Variants in ZNF100 observed in about 807,000 individuals in gnomAD.
ZNF100 encodes the protein zinc finger protein 100 (Y1).
A neutral mutation model predicts 15.8 loss-of-function variants in ZNF100; 12 were observed. The observed-to-expected ratio is 0.76, with a 90% confidence interval of 0.49 to 1.23. ZNF100 has a LOEUF of 1.23. Among genes scored for constraint, ZNF100 ranks in the 50% most tolerant of loss-of-function variants. The pLI is 0.00. For missense variants in ZNF100, 670 were observed against 635.6 expected (o/e 1.05, Z -0.58); for synonymous variants, 226 against 214.8 (o/e 1.05, Z -0.45).
rs2035727226 is a variant in ZNF100 at position 21,723,969 on chromosome 19, A to C, written c.*2714T>G. 1 of 152,224 alleles carries C rather than the reference A, an allele frequency of 6.6e-6. No homozygotes were observed. The highest frequency in any genetic ancestry group is 2.4e-5 in the African/African-American group (1 of 41,456). 9.4% of individuals were successfully genotyped at this position (152,224 alleles called of 1,614,324 possible). On this transcript the variant is annotated 3_prime_UTR_variant, in exon 5 of 5. Coordinates refer to ENST00000358296, the MANE Select transcript of ZNF100 (RefSeq NM_173531.4). ...CTTAATACACTAATTGTGGAATTAC[A>C]TTTAAAAATTTTGTATGCACTAAAT...
chr19:21,744,151 AT>A (rs1177708606), intron 3 of ZNF100, 36 bp from the exon 4 acceptor site: 1 of 1,561,746 alleles, frequency 6.4e-7, no homozygotes, highest in African/African-American at 1.4e-5. Flanking sequence ...TCTTTCTCAT[AT>A]TCTCCAATTA....
rs1055655076 is a variant in ZNF100 at position 21,732,656 on chromosome 19, AAC to A, written c.323-4669_323-4668del. On this transcript the variant is annotated intron_variant, in intron 4 of 4. Transcript: ENST00000358296. ...TATATATAATATATGTAAAATATAT[AAC>A]ACAAAATTAAAATATGGAATGTAAA... Among the ~76,000 whole-genome samples the A allele has an allele frequency of 2.1e-3, 311 of 150,082 alleles. 3 individuals carry two copies. Among genetic ancestry groups the A allele is most frequent in the African/African-American group, 7.0e-3 (289 of 41,188 alleles).
intron 1 of ZNF100, among the ~76,000 whole-genome samples, chr19:21,767,015 A>G (rs957623732): frequency 5.9e-5 from 9 of 151,942 alleles, no homozygotes; most frequent in African/African-American, 1.9e-4. Context: ...AATCGTTAAT[A>G]TTTGTGCAGT....
chr19:21,755,556 AT>A (rs1435340941), intron 2 of ZNF100, among the ~76,000 whole-genome samples: 1 of 152,226 alleles, frequency 6.6e-6, no homozygotes, highest in Non-Finnish European at 1.5e-5. Flanking sequence ...CAGAATTACC[AT>A]TTGATCCAGC....
At chr19:21,750,298 T>C (rs2036280410) in intron 2 of ZNF100, among the ~76,000 whole-genome samples, 1 of 152,172 alleles carries the variant, frequency 6.6e-6, no homozygotes. Flanking sequence ...CCACTTCTAA[T>C]ATTATTTCAA....
At chr19:21,728,043 C>G (rs2035846533) in intron 4 of ZNF100, 54 bp from the exon 5 acceptor site, 4 of 1,396,578 alleles carry the variant, frequency 2.9e-6, no homozygotes, top group Non-Finnish European at 3.7e-6. Context: ...AGATAGTTTA[C>G]AAATCTAACC....
At position 21,765,708 on chromosome 19, in the gene ZNF100, A is replaced by T; in HGVS notation, c.82T>A (p.Ser28Thr). Residue 28 changes from serine (S) to threonine (T), a missense_variant, in exon 2 of 5, where the codon TCT (serine) becomes ACT (threonine). Coordinates refer to ENST00000358296, the MANE Select transcript of ZNF100 (RefSeq NM_173531.4). ...PGAERSLLVQ[S>T]YFEKGPLTFR... is the part of the protein sequence containing the mutation. ...CAAGGGGTTACCTTTTCAAAATAAG[A>T]CTGCACCAGAAGACTCCTCTCAGCC... The T allele has an allele frequency of 6.2e-7, 1 of 1,614,120 alleles. No homozygotes were observed. Among genetic ancestry groups the T allele is most frequent in the African/African-American group, 1.3e-5 (1 of 75,052 alleles).
At chr19:21,762,728 A>G (rs977719982) in intron 2 of ZNF100, among the ~76,000 whole-genome samples, 2 of 152,150 alleles carry the variant, frequency 1.3e-5, no homozygotes, top group Non-Finnish European at 2.9e-5. Context: ...ATAGAGGGGG[A>G]AAATGTCAGA....
At chr19:21,765,931 A>C (rs1459901892) in intron 1 of ZNF100, 145 bp from the exon 2 acceptor site, 1 of 711,512 alleles carries the variant, frequency 1.4e-6, no homozygotes. Flanking sequence ...ACATCACCCC[A>C]TAGATTTTTC....
Position 21,744,022 on chromosome 19 carries a change from G to T in ZNF100, c.317C>A (p.Pro106His). 1 of 1,610,076 alleles carries T rather than the reference G, an allele frequency of 6.2e-7. No homozygotes were observed. The highest frequency in any genetic ancestry group is 8.5e-7 in the Non-Finnish European group (1 of 1,178,324). ...TTGTGTTCACTCTCACCTACCTGGG[G>T]GTTTGGCTACCATCTCATGTCTCTT... is the stretch of plus-strand genomic sequence containing the variant. ...NIKRHEMVAK[P>H]PVICSHFPQD... is the part of the protein sequence containing the mutation. The change falls in exon 4 of 5, where the codon CCC (proline) becomes CAC (histidine). Residue 106 changes from proline to histidine, a missense_variant. Coordinates refer to ENST00000358296, the MANE Select transcript of ZNF100 (RefSeq NM_173531.4).
chr19:21,727,790 G>T lies in ZNF100; in HGVS notation c.522C>A (p.Ser174Arg), dbSNP rs1168796900. Residue 174 changes from serine (S) to arginine (R), a missense_variant, in exon 5 of 5, where the codon AGC becomes AGA. Coordinates refer to ENST00000358296, the MANE Select transcript of ZNF100 (RefSeq NM_173531.4). The part of the protein sequence containing the change: ...KLNQCLITTQ[S>R]NIFQCDPSAK... ...CAGATGGATCACATTGAAATATGTT[G>T]CTCTGGGTAGTTATCAAACACTGGT... is the stretch of plus-strand genomic sequence containing the variant. 6.2e-6 allele frequency: 10 copies of T among 1,613,528 alleles called. No homozygotes were observed. Among genetic ancestry groups the T allele is most frequent in the Non-Finnish European group, 8.5e-6 (10 of 1,179,802 alleles).
intron 2 of ZNF100, chr19:21,751,898 C>T (rs891091053): frequency 1.1e-5 from 7 of 610,726 alleles, no homozygotes; most frequent in Non-Finnish European, 1.2e-5. Flanking sequence ...GTATTCAGCA[C>T]TCTAAAGCCA....
At chr19:21,757,610 G>GTATA in intron 2 of ZNF100, among the ~76,000 whole-genome samples, 1 of 152,266 alleles carries the variant, frequency 6.6e-6, no homozygotes, top group East Asian at 1.9e-4. Flanking sequence ...TCTTAACTGG[G>GTATA]TATATATTCA....
intron 2 of ZNF100, chr19:21,752,945 A>G (rs2036334273): frequency 6.6e-6 from 1 of 152,186 alleles, no homozygotes; most frequent in Non-Finnish European, 1.5e-5. Context: ...GCTTCGCGCC[A>G]TCCTCTAGCC....
intron 4 of ZNF100, among the ~76,000 whole-genome samples, chr19:21,734,942 T>A (rs188846808): frequency 2.6e-5 from 4 of 152,248 alleles, no homozygotes; most frequent in Admixed American, 1.3e-4. Context: ...ACCCAGAATA[T>A]CCTGCAACTA....
intron 2 of ZNF100, among the ~76,000 whole-genome samples, chr19:21,748,949 G>A (rs1004720611): frequency 8.6e-5 from 13 of 152,046 alleles, no homozygotes; most frequent in African/African-American, 2.7e-4. Context: ...CAGGTGATCC[G>A]CCTGCCTCGG....
At chr19:21,740,506 T>G (rs2036089422) in intron 4 of ZNF100, among the ~76,000 whole-genome samples, 1 of 151,446 alleles carries the variant, frequency 6.6e-6, no homozygotes, top group Non-Finnish European at 1.5e-5. Flanking sequence ...CATTCAACTG[T>G]GTAAAAATGC....
chr19:21,735,767 C>A (rs1056109176), intron 4 of ZNF100, among the ~76,000 whole-genome samples: 1 of 152,034 alleles, frequency 6.6e-6, no homozygotes, highest in Admixed American at 6.6e-5. Context: ...TCAAGGAACA[C>A]CCAGATTTGT....
chr19:21,740,756 A>G (rs973204297), intron 4 of ZNF100, among the ~76,000 whole-genome samples: 3 of 152,124 alleles, frequency 2.0e-5, no homozygotes, highest in African/African-American at 7.2e-5. Context: ...GGCCACTATA[A>G]ATTTTTTAAA....
Sources: allele counts gnomAD v4.1 joint callset (sites outside exome capture counted in the v4.1 genomes callset), GRCh38; gene constraint gnomAD v4.1.1; transcripts MANE v1.5; gene names NCBI Gene and HGNC (gene_info 2026-07-23, HGNC 2026-07-21).